The following ANTXR1 variants were observed in gnomAD, a reference collection of about 807,000 sequenced individuals.
ANTXR1 encodes anthrax toxin receptor 1.
In ANTXR1, 19 loss-of-function variants were observed where a neutral mutation model predicts 78.1. The observed-to-expected ratio is 0.24, with a 90% confidence interval of 0.17 to 0.36. The LOEUF (loss-of-function observed/expected upper bound fraction) is 0.36. Among genes scored for constraint, ANTXR1 ranks in the 10% least tolerant of loss-of-function variants. The pLI, the probability that ANTXR1 is intolerant of heterozygous loss-of-function variation, is 1.00. For missense variants in ANTXR1, 518 were observed against 718.6 expected (o/e 0.72, Z 3.19); for synonymous variants, 273 against 260.5 (o/e 1.05, Z -0.46).
At chr2:69,051,263 G>A (rs1669925454) in intron 3 of ANTXR1, among the ~76,000 whole-genome samples, 1 of 151,522 alleles carries the variant, frequency 6.6e-6, no homozygotes, top group African/African-American at 2.4e-5. Flanking sequence ...GAGCAACAGA[G>A]CAAGACTCTG....
At chr2:69,107,342 C>T (rs1487857405) in intron 10 of ANTXR1, among the ~76,000 whole-genome samples, 2 of 152,094 alleles carry the variant, frequency 1.3e-5, no homozygotes, top group Non-Finnish European at 1.5e-5. Flanking sequence ...CAGGCTCAAG[C>T]GATCCTCCCA....
chr2:69,022,641 GC>G (rs1671226357), intron 1 of ANTXR1, among the ~76,000 whole-genome samples: 1 of 152,226 alleles, frequency 6.6e-6, no homozygotes, highest in Admixed American at 6.5e-5. Context: ...AACTTCAGAG[GC>G]CTGAGGCAGA....
intron 8 of ANTXR1, among the ~76,000 whole-genome samples, chr2:69,090,345 T>C (rs1671192031): frequency 6.6e-6 from 1 of 151,936 alleles, no homozygotes; most frequent in Non-Finnish European, 1.5e-5. Flanking sequence ...ATTCCCTGCC[T>C]GGACCCTAAT....
At chr2:69,049,232 A>G (rs1314588593) in intron 3 of ANTXR1, among the ~76,000 whole-genome samples, 1 of 152,014 alleles carries the variant, frequency 6.6e-6, no homozygotes, top group East Asian at 1.9e-4. Flanking sequence ...ATCCCCTGCC[A>G]AAAAAAGAGC....
At chr2:69,243,621 C>A (rs1220775601) in intron 17 of ANTXR1, among the ~76,000 whole-genome samples, 1 of 152,172 alleles carries the variant, frequency 6.6e-6, no homozygotes, top group African/African-American at 2.4e-5. Context: ...TCATTTTCCT[C>A]TTGTCCTAGA....
At chr2:69,097,435 T>C (rs1671464622) in intron 9 of ANTXR1, among the ~76,000 whole-genome samples, 1 of 152,248 alleles carries the variant, frequency 6.6e-6, no homozygotes, top group South Asian at 2.1e-4. Context: ...GGTGTCATGT[T>C]TACCATTTGG....
intron 13 of ANTXR1, among the ~76,000 whole-genome samples, chr2:69,169,584 A>G (rs1239504514): frequency 6.6e-6 from 1 of 152,226 alleles, no homozygotes; most frequent in Non-Finnish European, 1.5e-5. Flanking sequence ...GCCCATCCAG[A>G]GTTTCCACAT....
intron 12 of ANTXR1, among the ~76,000 whole-genome samples, chr2:69,129,048 T>C (rs922776103): frequency 2.0e-5 from 3 of 152,180 alleles, no homozygotes; most frequent in African/African-American, 7.2e-5. Flanking sequence ...AACATTCCTA[T>C]ACAAATGGTA....
chr2:69,070,763 G>C, intron 4 of ANTXR1, 35 bp downstream of exon 4: 1 of 1,594,216 alleles, frequency 6.3e-7, no homozygotes, highest in Non-Finnish European at 8.6e-7. Context: ...CAAATATAAA[G>C]CATGATATTG....
Position 69,013,707 on chromosome 2 carries a change from G to A in ANTXR1, c.152+56G>A. 1.9e-6 allele frequency: 3 copies of A among 1,550,940 alleles called. No individual in the cohort carries two copies. Among genetic ancestry groups the A allele is most frequent in the Non-Finnish European group, 2.6e-6 (3 of 1,146,644 alleles). The stretch of plus-strand genomic sequence containing the variant: ...AGGCTAAGCGGGCGAAAACGCTTTC[G>A]CCCCGGGCCGGGCTCGTTGGCAGGG... On this transcript the variant is annotated intron_variant, in intron 1 of 17. Transcript: ENST00000303714. The surrounding 1 kb of genome is among the most constrained non-coding windows in gnomAD (Gnocchi z 5.0).
At position 69,026,100 on chromosome 2, in the gene ANTXR1, A is replaced by T. The variant is rs57309479; in HGVS notation, c.152+12449A>T. ...TAGCGGAAGTTCTTTAATACCTCTC[A>T]CTATCTTAGCACCTAACACTCTGAA... is the stretch of plus-strand genomic sequence containing the variant. On this transcript the variant is annotated intron_variant, in intron 1 of 17. Coordinates refer to ENST00000303714, the MANE Select transcript of ANTXR1 (RefSeq NM_032208.3). Among the ~76,000 whole-genome samples the T allele has an allele frequency of 5.9e-3, 894 of 152,276 alleles. 9 individuals carry two copies. The highest frequency in any genetic ancestry group is 0.021 in the African/African-American group (862 of 41,566).
chr2:69,124,714 A>G (rs1672472316), intron 12 of ANTXR1, 71 bp downstream of exon 12: 2 of 1,550,874 alleles, frequency 1.3e-6, no homozygotes, highest in Non-Finnish European at 1.8e-6. Context: ...TTAAGCAGTA[A>G]TCTTCTCCAA....
chr2:69,069,220 A>G (rs1670494243), intron 3 of ANTXR1, among the ~76,000 whole-genome samples: 2 of 152,144 alleles, frequency 1.3e-5, no homozygotes, highest in Admixed American at 6.5e-5. Flanking sequence ...TCCCCCTCCA[A>G]GCAATGCCAG....
At chr2:69,180,926 AGACAAGGG>A (rs1324199975) in intron 14 of ANTXR1, among the ~76,000 whole-genome samples, 6 of 152,178 alleles carry the variant, frequency 3.9e-5, no homozygotes, top group Admixed American at 2.0e-4. Context: ...GTGCTTTCCT[AGACAAGGG>A]GACAAGGGGA....
intron 3 of ANTXR1, among the ~76,000 whole-genome samples, chr2:69,047,896 A>T (rs1159229235): frequency 6.6e-6 from 1 of 152,156 alleles, no homozygotes; most frequent in African/African-American, 2.4e-5. Flanking sequence ...CCAAATTAGT[A>T]TTCTGATTCT....
At chr2:69,185,831 A>G (rs929847614) in intron 16 of ANTXR1, among the ~76,000 whole-genome samples, 1 of 152,204 alleles carries the variant, frequency 6.6e-6, no homozygotes, top group Non-Finnish European at 1.5e-5. Context: ...GAAATGACCT[A>G]GGATGCCGGT....
Position 69,152,196 on chromosome 2 carries a change from C to T in ANTXR1, c.979C>T (p.Leu327=), listed in dbSNP as rs750307477. The change falls in exon 13 of 18, where the codon CTG becomes TTG. Residue 327 remains leucine, a synonymous_variant. Coordinates refer to ENST00000303714, the MANE Select transcript of ANTXR1 (RefSeq NM_032208.3). ...CSDGSILAIA[L]LILFLLLALA... Reference sequence around the variant, plus strand: ...TGACGGTTCCATCCTGGCCATCGCCCTGCTGATCCTGTTCCTGCTCCTAGC... The same window carrying T: ...TGACGGTTCCATCCTGGCCATCGCCTTGCTGATCCTGTTCCTGCTCCTAGC... 1 of 1,614,164 alleles carries T rather than the reference C, an allele frequency of 6.2e-7. No homozygotes were observed. Among genetic ancestry groups the T allele is most frequent in the Admixed American group, 1.7e-5 (1 of 60,024 alleles).
chr2:69,172,572 A>G (rs1674018910), intron 14 of ANTXR1: 2 of 1,333,358 alleles, frequency 1.5e-6, no homozygotes, highest in African/African-American at 1.5e-5. Flanking sequence ...TCTCTGCCGT[A>G]TATATGAAGA....
intron 17 of ANTXR1, among the ~76,000 whole-genome samples, chr2:69,237,531 A>T (rs543614789): frequency 6.6e-6 from 1 of 152,200 alleles, no homozygotes; most frequent in Non-Finnish European, 1.5e-5. Context: ...ACTCTTGGGC[A>T]TCCTTCTGCC....
Sources: gnomAD v4.1 joint callset for allele counts (sites outside exome capture counted in the v4.1 genomes callset) on GRCh38, gnomAD v4.1.1 for gene constraint, Gnocchi (gnomAD v3.1) non-coding constraint, MANE v1.5 for transcripts, NCBI Gene and HGNC (gene_info 2026-07-23, HGNC 2026-07-21) for gene names.